The following RP1L1 variants were observed in gnomAD, a reference collection of about 807,000 sequenced individuals.
RP1L1 encodes the protein RP1 like 1, also known as retinitis pigmentosa 1-like 1 protein.
In RP1L1, 27 loss-of-function variants were observed where a neutral mutation model predicts 15.7. The ratio of observed to expected loss-of-function variants is 1.72; its 90% confidence interval spans 1.27 to 2.38. The LOEUF is 2.38. Among genes scored for constraint, RP1L1 ranks in the 30% most tolerant of loss-of-function variants. The probability of loss-of-function intolerance (pLI) is 0.00; values close to 1 mark genes in which losing one functional copy is unlikely to be tolerated. For synonymous variants in RP1L1, 1,813 were observed against 1,276.7 expected, an observed-to-expected ratio of 1.42 and a Z score of -8.96; for missense variants, 4,798 against 3,075.9, an observed-to-expected ratio of 1.56 and a Z score of -13.24.
At chr8:10,645,821 C>T (rs886894192) in intron 1 of RP1L1, among the ~76,000 whole-genome samples, 1 of 152,212 alleles carries the variant, frequency 6.6e-6, no homozygotes, top group African/African-American at 2.4e-5. Flanking sequence ...ACCTATTGGC[C>T]ACCAGGGACC....
At chr8:10,629,711 CT>C (rs969232833) in intron 1 of RP1L1, among the ~76,000 whole-genome samples, 25 of 152,258 alleles carry the variant, frequency 1.6e-4, no homozygotes, top group African/African-American at 6.0e-4. Flanking sequence ...CACTCCCACG[CT>C]GGCATGGGGG....
intron 1 of RP1L1, among the ~76,000 whole-genome samples, chr8:10,645,267 C>T (rs1274301760): frequency 6.6e-6 from 1 of 152,246 alleles, no homozygotes; most frequent in African/African-American, 2.4e-5. Context: ...ATTGAGGCTT[C>T]AGTGAGCTAT....
chr8:10,631,386 T>A (rs866993980), intron 1 of RP1L1, among the ~76,000 whole-genome samples: 1 of 71,244 alleles, frequency 1.4e-5, no homozygotes, highest in African/African-American at 5.7e-5. Context: ...CAAACACACA[T>A]GCACACACAC....
At chr8:10,654,165 C>G (rs1187500781) in intron 1 of RP1L1, among the ~76,000 whole-genome samples, 1 of 152,288 alleles carries the variant, frequency 6.6e-6, no homozygotes, top group East Asian at 1.9e-4. Flanking sequence ...GTTTTCTCCA[C>G]CAGAAAACTG....
Position 10,609,559 on chromosome 8 carries a change from G to T in RP1L1, c.4539C>A (p.Asp1513Glu). 6.2e-7 allele frequency: 1 copy of T among 1,604,258 alleles called. No individual in the cohort carries two copies. Among genetic ancestry groups the T allele is most frequent in the Non-Finnish European group, 8.5e-7 (1 of 1,177,364 alleles). The change falls in exon 4 of 4, where the codon GAC (aspartate) becomes GAA (glutamate). Residue 1513 changes from aspartate (D) to glutamate (E), a missense_variant. Asp to Glu is a conservative substitution (Grantham distance 45). Coordinates refer to ENST00000382483, the MANE Select transcript of RP1L1 (RefSeq NM_178857.6). ...SSSVACSAAL[D>E]CDPIWVSVLL... ...ACACGGACACCCAGATGGGGTCGCA[G>T]TCCAGAGCCGCGCTGCAGGCCACCG...
chr8:10,641,845 G>A (rs185766885), intron 1 of RP1L1, among the ~76,000 whole-genome samples: 3 of 152,270 alleles, frequency 2.0e-5, no homozygotes, highest in African/African-American at 4.8e-5. Context: ...TGAACTATTG[G>A]TACACACAAA....
chr8:10,636,717 C>T (rs1298125810), intron 1 of RP1L1, among the ~76,000 whole-genome samples: 2 of 152,252 alleles, frequency 1.3e-5, no homozygotes, highest in Admixed American at 1.3e-4. Flanking sequence ...TGCAGGAGGG[C>T]AGCGGTCAAG....
At chr8:10,642,999 T>C (rs1798429162) in intron 1 of RP1L1, among the ~76,000 whole-genome samples, 1 of 152,190 alleles carries the variant, frequency 6.6e-6, no homozygotes, top group African/African-American at 2.4e-5. Flanking sequence ...TGGAATTATC[T>C]CCTTGAGGCC....
chr8:10,619,139 G>A lies in RP1L1; in HGVS notation c.610-2552C>T, dbSNP rs142894706. Among the ~76,000 whole-genome samples the A allele has an allele frequency of 9.6e-3, 1,454 of 152,224 alleles. 32 individuals are homozygous for A. The highest frequency in any genetic ancestry group is 0.033 in the African/African-American group (1,372 of 41,532). The stretch of plus-strand genomic sequence containing the variant: ...CCTGCCTCGGCCTCCCAAAGTGCTG[G>A]GATTACAGGTGTGAGCCACCATGAC... On this transcript the variant is annotated intron_variant, in intron 2 of 3. Transcript: ENST00000382483.
Position 10,612,280 on chromosome 8 carries a change from C to G in RP1L1, c.1818G>C (p.Val606=). The part of the protein sequence containing the change: ...QGTEQATGAA[V]TREPLVLGLS... Reference sequence around the variant, plus strand: ...GGCCCAGAACCAGAGGCTCCCTTGTCACAGCCGCTCCCGTGGCCTGCTCGG... The same window carrying G: ...GGCCCAGAACCAGAGGCTCCCTTGTGACAGCCGCTCCCGTGGCCTGCTCGG... The change falls in exon 4 of 4, where the codon GTG becomes GTC. Residue 606 remains valine, a synonymous_variant. Coordinates refer to ENST00000382483, the MANE Select transcript of RP1L1 (RefSeq NM_178857.6). 1 of 1,613,256 alleles carries G rather than the reference C, an allele frequency of 6.2e-7. No homozygotes were observed. The highest frequency in any genetic ancestry group is 8.5e-7 in the Non-Finnish European group (1 of 1,180,038).
At chr8:10,649,453 G>A (rs561051741) in intron 1 of RP1L1, among the ~76,000 whole-genome samples, 24 of 152,282 alleles carry the variant, frequency 1.6e-4, no homozygotes, top group African/African-American at 5.5e-4. Context: ...AGTCCCACCC[G>A]CTGTGGTCTC....
Position 10,606,734 on chromosome 8 carries a change from C to G in RP1L1, c.*161G>C, listed in dbSNP as rs945364604. The G allele has an allele frequency of 2.4e-6, 3 of 1,240,626 alleles. No homozygotes were observed. Among genetic ancestry groups the G allele is most frequent in the Non-Finnish European group, 3.3e-6 (3 of 905,970 alleles). 76.9% of individuals were successfully genotyped at this position (1,240,626 alleles called of 1,614,324 possible). A position where few individuals can be genotyped will look rare whatever the true frequency, so the allele number is the denominator to read the frequency against. On this transcript the variant is annotated 3_prime_UTR_variant, in exon 4 of 4. Transcript: ENST00000382483. ...CTCTGACACTTCTGGACTTAAGAGT[C>G]CCAGGACAGCATGGCATGGGCTGTG...
chr8:10,608,135 TC>T lies in RP1L1; in HGVS notation c.5962del (p.Glu1988ArgfsTer13), dbSNP rs1370179520. The T allele has an allele frequency of 3.1e-6, 5 of 1,612,822 alleles. No individual in the cohort carries two copies. Among genetic ancestry groups the T allele is most frequent in the African/African-American group, 2.7e-5 (2 of 74,492 alleles). On this transcript the variant is annotated frameshift_variant, in exon 4 of 4. Coordinates refer to ENST00000382483, the MANE Select transcript of RP1L1 (RefSeq NM_178857.6). LOFTEE classifies it low-confidence loss of function (END_TRUNC). Reference protein sequence around the residue: ...EALEVEVETQEAEGEAQPESE... With the variant: ...EALEVEVETQXAEGEAQPESE... ...CTCTGGCTGGGCCTCCCCTTCTGCC[TC>T]CTGGGTCTCCACTTCAACCTCCAGG... is the stretch of plus-strand genomic sequence containing the variant.
intron 1 of RP1L1, among the ~76,000 whole-genome samples, chr8:10,643,046 A>T (rs577531572): frequency 6.6e-6 from 1 of 152,160 alleles, no homozygotes; most frequent in Non-Finnish European, 1.5e-5. Context: ...GGGTTAAAAA[A>T]TTTTTTCAGG....
At chr8:10,648,336 T>G (rs1290306059) in intron 1 of RP1L1, among the ~76,000 whole-genome samples, 1 of 152,114 alleles carries the variant, frequency 6.6e-6, no homozygotes, top group Non-Finnish European at 1.5e-5. Context: ...CTGGCCAATT[T>G]TCTGGGTTTT....
intron 1 of RP1L1, among the ~76,000 whole-genome samples, chr8:10,627,934 A>C (rs544411410): frequency 1.3e-5 from 2 of 152,334 alleles, no homozygotes; most frequent in East Asian, 3.9e-4. Context: ...AACGATGACC[A>C]CCTACTGTGT....
chr8:10,608,398 C>A lies in RP1L1; in HGVS notation c.5700G>T (p.Gln1900His), dbSNP rs760250294. The A allele has an allele frequency of 3.7e-6, 6 of 1,609,182 alleles. No individual in the cohort carries two copies. The Admixed American group carries it at 1.0e-4, about 27-fold the overall frequency. The change falls in exon 4 of 4, where the codon CAG becomes CAT. Residue 1900 changes from glutamine (Q) to histidine (H), a missense_variant. Coordinates refer to ENST00000382483, the MANE Select transcript of RP1L1 (RefSeq NM_178857.6). Reference sequence around the variant, plus strand: ...GGGCTTCTGCACCTTCTGACTCTGGCTGGACCTCCCATTCTGCCTCTGGGG... The same window carrying A: ...GGGCTTCTGCACCTTCTGACTCTGGATGGACCTCCCATTCTGCCTCTGGGG... ...VETPEAEWEVQPESEGAEAPE... is the reference protein window; with the variant it reads ...VETPEAEWEVHPESEGAEAPE...
Position 10,612,849 on chromosome 8 carries a change from C to T in RP1L1, c.1249G>A (p.Gly417Arg), listed in dbSNP as rs750566533. ...CTCTTCCGAGCTGCCACTCTCTCTC[C>T]CTGGGAGGCATGCAGGGGATTCGTC... The part of the protein sequence containing the change: ...IWTNPLHASQ[G>R]ERVAARKRWG... Residue 417 changes from glycine (G) to arginine (R), a missense_variant, in exon 4 of 4, where the codon GGA (glycine) becomes AGA (arginine). Gly to Arg is a moderately radical substitution (Grantham distance 125, BLOSUM62 -2). Transcript: ENST00000382483. 3.1e-6 allele frequency: 5 copies of T among 1,612,774 alleles called. No individual in the cohort carries two copies. Among genetic ancestry groups the T allele is most frequent in the Admixed American group, 1.7e-5 (1 of 60,010 alleles).
At chr8:10,639,412 G>T (rs1343366940) in intron 1 of RP1L1, among the ~76,000 whole-genome samples, 1 of 152,096 alleles carries the variant, frequency 6.6e-6, no homozygotes, top group Non-Finnish European at 1.5e-5. Context: ...ACAGGGTCTT[G>T]CTCAGGCTGG....
Sources: allele counts gnomAD v4.1 joint callset (sites outside exome capture counted in the v4.1 genomes callset), GRCh38; gene constraint gnomAD v4.1.1; transcripts MANE v1.5; gene names NCBI Gene and HGNC (gene_info 2026-07-23, HGNC 2026-07-21).